The following BLTP3A variants were observed in gnomAD, a reference collection of about 807,000 sequenced individuals.
BLTP3A encodes bridge-like lipid transfer protein family member 3A, also known as ICBP90 binding protein 1.
the BLTP3A span, among the ~76,000 whole-genome samples, chr6:34,801,665 A>G: frequency 6.6e-6 from 1 of 152,196 alleles, no homozygotes; most frequent in African/African-American, 2.4e-5. Context: ...CTTAGACTCT[A>G]TTTTACATAA....
chr6:34,856,351 G>A, the BLTP3A span: 19 of 1,614,084 alleles, frequency 1.2e-5, no homozygotes, highest in East Asian at 4.0e-4. Flanking sequence ...GGCATGAAGA[G>A]ACGGGTCTGA....
At chr6:34,812,105 G>A in the BLTP3A span, among the ~76,000 whole-genome samples, 1 of 152,112 alleles carries the variant, frequency 6.6e-6, no homozygotes, top group Admixed American at 6.5e-5. Context: ...AAGGTGGGAG[G>A]ATCACCTGAG....
chr6:34,825,488 G>A, the BLTP3A span, among the ~76,000 whole-genome samples: 1 of 152,056 alleles, frequency 6.6e-6, no homozygotes. Flanking sequence ...TTTGCATTTA[G>A]TAGAGATGGG....
At chr6:34,810,675 C>T in the BLTP3A span, among the ~76,000 whole-genome samples, 2 of 152,104 alleles carry the variant, frequency 1.3e-5, no homozygotes, top group Non-Finnish European at 2.9e-5. Flanking sequence ...CACTATGTTG[C>T]CCAGGCTGGT....
chr6:34,838,143 T>G, the BLTP3A span, among the ~76,000 whole-genome samples: 2 of 152,234 alleles, frequency 1.3e-5, no homozygotes, highest in Non-Finnish European at 1.5e-5. Context: ...AATGCAATTA[T>G]TTATCTTACA....
At chr6:34,796,733 C>T in the BLTP3A span, among the ~76,000 whole-genome samples, 1 of 152,212 alleles carries the variant, frequency 6.6e-6, no homozygotes, top group African/African-American at 2.4e-5. Context: ...CCAGCCCTGC[C>T]ACTAATCAGC....
At chr6:34,834,793 G>C in the BLTP3A span, 1 of 1,614,128 alleles carries the variant, frequency 6.2e-7, no homozygotes, top group Non-Finnish European at 8.5e-7. Flanking sequence ...TGGTGATCAG[G>C]ACCCAGTCAC....
the BLTP3A span, among the ~76,000 whole-genome samples, chr6:34,861,055 C>G: frequency 6.6e-6 from 1 of 152,166 alleles, no homozygotes; most frequent in African/African-American, 2.4e-5. Flanking sequence ...CTTGGCTGCT[C>G]TCTTCTTCCT....
chr6:34,792,663 C>G, the BLTP3A span, among the ~76,000 whole-genome samples: 1 of 152,198 alleles, frequency 6.6e-6, no homozygotes, highest in African/African-American at 2.4e-5. Context: ...TTCCGAGGCC[C>G]CCACGAAGCC....
At chr6:34,825,549 C>T in the BLTP3A span, among the ~76,000 whole-genome samples, 1 of 152,322 alleles carries the variant, frequency 6.6e-6, no homozygotes, top group South Asian at 2.1e-4. Flanking sequence ...TTAGGTGATC[C>T]ACCTGCCTTG....
At chr6:34,834,953 TGG>T in the BLTP3A span, 1 of 1,495,626 alleles carries the variant, frequency 6.7e-7, no homozygotes, top group Non-Finnish European at 9.0e-7. Context: ...GGAATGTTAT[TGG>T]CCCTGGAATG....
chr6:34,871,748 A>C, the BLTP3A span: 1 of 1,611,978 alleles, frequency 6.2e-7, no homozygotes, highest in Non-Finnish European at 8.5e-7. Context: ...AAAAGTGAAT[A>C]GGTGACACCT....
the BLTP3A span, chr6:34,872,823 C>T: frequency 7.5e-3 from 1,156 of 154,772 alleles, 21 homozygotes; most frequent in African/African-American, 0.025. Flanking sequence ...AAAGTACCCA[C>T]CTCCTCGGTC....
At chr6:34,798,594 C>CTTTTTTTTTTTTTTTTTTTTCTTTTTTTT in the BLTP3A span, among the ~76,000 whole-genome samples, 1 of 94,496 alleles carries the variant, frequency 1.1e-5, no homozygotes, top group African/African-American at 4.8e-5. Flanking sequence ...TTCTTTCTTT[C>CTTTTTTTTTTTTTTTTTTTTCTTTTTTTT]TTTTTTTTTT....
At chr6:34,795,466 C>T in the BLTP3A span, among the ~76,000 whole-genome samples, 90 of 151,244 alleles carry the variant, frequency 6.0e-4, no homozygotes, top group African/African-American at 2.1e-3. Flanking sequence ...GGCACGATCT[C>T]GGCTCACTGC....
the BLTP3A span, among the ~76,000 whole-genome samples, chr6:34,818,867 T>A: frequency 6.6e-6 from 1 of 152,114 alleles, no homozygotes; most frequent in Non-Finnish European, 1.5e-5. Context: ...TAGAAAAAAA[T>A]TGCAAAGATA....
At chr6:34,852,499 A>G in the BLTP3A span, among the ~76,000 whole-genome samples, 1 of 151,932 alleles carries the variant, frequency 6.6e-6, no homozygotes, top group Non-Finnish European at 1.5e-5. Context: ...TTGAGCTGGT[A>G]TCCAAATTGC....
the BLTP3A span, among the ~76,000 whole-genome samples, chr6:34,817,852 T>C: frequency 1.4e-5 from 1 of 73,564 alleles, no homozygotes; most frequent in Non-Finnish European, 2.6e-5. Flanking sequence ...CGTGTAGGAA[T>C]TTTTTTTTTT....
the BLTP3A span, among the ~76,000 whole-genome samples, chr6:34,821,285 G>A: frequency 0.15 from 22,161 of 152,208 alleles, 1,960 homozygotes; most frequent in African/African-American, 0.25. Flanking sequence ...CGAGGGTTCA[G>A]AAATACCGAA....
Sources: gnomAD v4.1 joint callset for allele counts (sites outside exome capture counted in the v4.1 genomes callset) on GRCh38, gnomAD v4.1.1 for gene constraint, MANE v1.5 for transcripts, NCBI Gene and HGNC (gene_info 2026-07-23, HGNC 2026-07-21) for gene names.